KLRC1: variants seen among roughly 807,000 people sequenced by gnomAD.
The protein encoded by KLRC1 is NKG2-A/NKG2-B type II integral membrane protein.
A neutral mutation model predicts 25.9 loss-of-function variants in KLRC1; 22 were observed. The observed-to-expected ratio is 0.85, with a 90% CI of 0.61 to 1.21. The LOEUF (loss-of-function observed/expected upper bound fraction) is 1.21, where lower values mean the gene tolerates loss of function less well. Ranked by LOEUF, KLRC1 falls within the 50% of genes most tolerant of loss-of-function variation. The pLI is 0.00. For missense variants in KLRC1, 240 were observed against 272.2 expected (o/e 0.88, Z 0.83); for synonymous variants, 77 against 93.1 (o/e 0.83, Z 0.99).
At position 10,453,277 on chromosome 12, in the gene KLRC1, A is replaced by G; in HGVS notation, c.-111T>C. The G allele has an allele frequency of 2.0e-6, 2 of 985,374 alleles. No individual in the cohort carries two copies. Among genetic ancestry groups the G allele is most frequent in the Non-Finnish European group, 2.4e-6 (2 of 829,880 alleles). The allele number at this position is 985,374 out of a possible 1,614,324, so 61.0% of individuals were successfully genotyped here. On this transcript the variant is annotated 5_prime_UTR_variant, in exon 1 of 7. Coordinates refer to ENST00000359151, the MANE Select transcript of KLRC1 (RefSeq NM_002259.5). ...TAAAAAGGCCTGCTATAGCTGTGTA[A>G]TAAAAGGTGAAATTTAAAGGCATAA... is the stretch of plus-strand genomic sequence containing the variant.
chr12:10,448,853 G>A (rs555786233), intron 5 of KLRC1, among the ~76,000 whole-genome samples: 3 of 152,316 alleles, frequency 2.0e-5, no homozygotes, highest in East Asian at 1.9e-4. Context: ...GATAAGTGAT[G>A]AGGGCATACA....
At chr12:10,445,387 A>G (rs59611026), downstream of KLRC1, among the ~76,000 whole-genome samples, 50,572 of 151,720 alleles carry the variant, frequency 0.33, 10,978 homozygotes, top group African/African-American at 0.62. Context: ...AATTGATAAA[A>G]TCTATTAGAA....
At chr12:10,447,028 T>G (rs1158381027) in intron 6 of KLRC1, among the ~76,000 whole-genome samples, 7 of 152,232 alleles carry the variant, frequency 4.6e-5, no homozygotes, top group Non-Finnish European at 7.3e-5. Context: ...GCACTACTCT[T>G]GTGCTTTGAG....
chr12:10,448,646 T>C (rs1864049223), intron 5 of KLRC1, among the ~76,000 whole-genome samples: 1 of 152,162 alleles, frequency 6.6e-6, no homozygotes, highest in Non-Finnish European at 1.5e-5. Context: ...TTAGTGTTCT[T>C]TGTACATACT....
At chr12:10,447,332 C>T in intron 6 of KLRC1, 200 bp downstream of exon 6, 1 of 466,116 alleles carries the variant, frequency 2.1e-6, no homozygotes. Flanking sequence ...ACCTGATAAT[C>T]AAGAAGGTTA....
At chr12:10,451,555 C>G (rs1864126637) in intron 1 of KLRC1, among the ~76,000 whole-genome samples, 1 of 151,884 alleles carries the variant, frequency 6.6e-6, no homozygotes, top group African/African-American at 2.4e-5. Context: ...ACTCGGGAGG[C>G]TGAGGCAGGA....
At chr12:10,448,812 A>C (rs1170819480) in intron 5 of KLRC1, among the ~76,000 whole-genome samples, 1 of 152,260 alleles carries the variant, frequency 6.6e-6, no homozygotes, top group Non-Finnish European at 1.5e-5. Context: ...ATAACATTAA[A>C]AGTCAAGACA....
At chr12:10,448,836 G>A (rs1281087272) in intron 5 of KLRC1, among the ~76,000 whole-genome samples, 1 of 152,204 alleles carries the variant, frequency 6.6e-6, no homozygotes, top group East Asian at 1.9e-4. Flanking sequence ...TTTTGGAGAG[G>A]AGTCAGGATA....
chr12:10,453,321 C>T lies in KLRC1; in HGVS notation c.-155G>A. The T allele has an allele frequency of 1.0e-6, 1 of 985,384 alleles. No individual in the cohort carries two copies. Among genetic ancestry groups the T allele is most frequent in the Non-Finnish European group, 1.2e-6 (1 of 829,892 alleles). The allele number at this position is 985,384 out of a possible 1,614,324, so 61.0% of individuals were successfully genotyped here. ...GGCATAAATCCAAGACAAGAACAAA[C>T]AATGCCTGCAATCTTCGCAGACTGC... On this transcript the variant is annotated 5_prime_UTR_variant, in exon 1 of 7. Transcript: ENST00000359151.
intron 6 of KLRC1, 124 bp from the exon 7 acceptor site, chr12:10,446,786 T>C: frequency 2.6e-6 from 3 of 1,170,896 alleles, no homozygotes; most frequent in Non-Finnish European, 3.7e-6. Context: ...TTTCATAATA[T>C]TAGTAAGAGT....
rs566008798 is a variant in KLRC1 at position 10,446,535 on chromosome 12, T to G, written c.*16A>C. 1.1e-5 allele frequency: 18 copies of G among 1,604,656 alleles called. No homozygotes were observed. The African/African-American group carries it at 2.0e-4, about 18-fold the overall frequency. On this transcript the variant is annotated 3_prime_UTR_variant, in exon 7 of 7. Transcript: ENST00000359151. ...TACAATTTATCTGATGCACTGCAAA[T>G]GCAAACGCTTTACCTCTAAAGCTTA...
chr12:10,442,328 T>C, downstream of KLRC1: 1 of 475,450 alleles, frequency 2.1e-6, no homozygotes, highest in Non-Finnish European at 3.9e-6. Flanking sequence ...AATGAAAATA[T>C]TTATTATGAA....
At chr12:10,450,276 A>C (rs1403373736) in intron 3 of KLRC1, 2 of 483,820 alleles carry the variant, frequency 4.1e-6, no homozygotes, top group African/African-American at 4.0e-5. Flanking sequence ...TGAAATCCAA[A>C]TATATACATA....
chr12:10,453,840 T>C (rs552480542), upstream of KLRC1, among the ~76,000 whole-genome samples: 1 of 152,276 alleles, frequency 6.6e-6, no homozygotes, highest in East Asian at 1.9e-4. Flanking sequence ...AAAGTTATAT[T>C]ATTAACTTCT....
chr12:10,449,026 G>A (rs1221092102), intron 5 of KLRC1, among the ~76,000 whole-genome samples: 1 of 152,086 alleles, frequency 6.6e-6, no homozygotes, highest in Non-Finnish European at 1.5e-5. Flanking sequence ...TAGAAGCATG[G>A]TTTTCCATGA....
intron 6 of KLRC1, chr12:10,447,260 T>A (rs2137888548): frequency 3.4e-6 from 1 of 293,888 alleles, no homozygotes; most frequent in East Asian, 6.0e-5. Flanking sequence ...TGTTAGTGTA[T>A]TTTATGTGTG....
intron 1 of KLRC1, 119 bp from the exon 2 acceptor site, chr12:10,451,306 G>T: frequency 2.0e-6 from 1 of 509,084 alleles, no homozygotes; most frequent in Non-Finnish European, 3.1e-6. Flanking sequence ...ATAATCTAAA[G>T]TTCTTTCTCT....
Position 10,453,355 on chromosome 12 carries a change from G to C in KLRC1, c.-189C>G, listed in dbSNP as rs992674326. 2.3e-5 allele frequency: 23 copies of C among 985,282 alleles called. No homozygotes were observed. Among genetic ancestry groups the C allele is most frequent in the Non-Finnish European group, 2.8e-5 (23 of 829,928 alleles). The allele number at this position is 985,282 out of a possible 1,614,324, so 61.0% of individuals were successfully genotyped here. A position where few individuals can be genotyped will look rare whatever the true frequency, so the allele number is the denominator to read the frequency against. On this transcript the variant is annotated 5_prime_UTR_variant, in exon 1 of 7. Transcript: ENST00000359151. The stretch of plus-strand genomic sequence containing the variant: ...CAATCTTCGCAGACTGCCCTGTGAA[G>C]GCTCAGAGTGAGTCAAGAGTGGAAA...
chr12:10,449,362 C>T lies in KLRC1; in HGVS notation c.364G>A (p.Glu122Lys). The T allele has an allele frequency of 6.2e-7, 1 of 1,613,764 alleles. No homozygotes were observed. The highest frequency in any genetic ancestry group is 8.5e-7 in the Non-Finnish European group (1 of 1,179,760). ...CAACTGTTGGAATATGTAATCCACT[C>T]CTCAGGACAATGGCCACAATGACGT... Reference protein sequence around the residue: ...KARHCGHCPEEWITYSNSCYY... With the variant: ...KARHCGHCPEKWITYSNSCYY... The change falls in exon 5 of 7, where the codon GAG becomes AAG. Residue 122 changes from glutamate to lysine, a missense_variant. By Grantham distance (56) the Glu-to-Lys change is moderately conservative. Transcript: ENST00000359151.
Sources: allele counts gnomAD v4.1 joint callset (sites outside exome capture counted in the v4.1 genomes callset), GRCh38; gene constraint gnomAD v4.1.1; transcripts MANE v1.5; gene names NCBI Gene and HGNC (gene_info 2026-07-23, HGNC 2026-07-21).